Variants in DAPK1 observed in about 807,000 individuals in gnomAD.
DAPK1 encodes the protein death-associated protein kinase 1.
DAPK1 carries 56 observed loss-of-function variants against 144.9 expected under a neutral mutation model. The ratio of observed to expected loss-of-function variants is 0.39; its 90% CI spans 0.31 to 0.48. The LOEUF is 0.48. DAPK1 is among the 20% of genes least tolerant of loss of function. The probability of loss-of-function intolerance (pLI) is 0.95; values close to 1 mark genes in which losing one functional copy is unlikely to be tolerated. For synonymous variants in DAPK1, 690 were observed against 749.0 expected (o/e 0.92, Z 1.29); for missense variants, 1,454 against 1,875.4 (o/e 0.78, Z 4.15).
intron 2 of DAPK1, among the ~76,000 whole-genome samples, chr9:87,563,142 T>G (rs1395519318): frequency 6.6e-6 from 1 of 152,214 alleles, no homozygotes; most frequent in Non-Finnish European, 1.5e-5. Flanking sequence ...CAAAAGAGAC[T>G]TTTTGTTCTT....
intron 21 of DAPK1, among the ~76,000 whole-genome samples, chr9:87,688,420 T>C (rs1009653102): frequency 6.6e-6 from 1 of 152,208 alleles, no homozygotes; most frequent in Non-Finnish European, 1.5e-5. Flanking sequence ...ATGTGTCTTT[T>C]TGGTGGAACA....
chr9:87,550,627 G>A (rs1466207266), intron 2 of DAPK1, among the ~76,000 whole-genome samples: 5 of 152,310 alleles, frequency 3.3e-5, no homozygotes, highest in African/African-American at 1.2e-4. Flanking sequence ...CTTAACTAAT[G>A]ACATCTACAA....
chr9:87,599,816 A>C (rs1266928354), intron 2 of DAPK1, among the ~76,000 whole-genome samples: 1 of 152,240 alleles, frequency 6.6e-6, no homozygotes, highest in Non-Finnish European at 1.5e-5. Context: ...GGAGAAATCC[A>C]GGGTTACCTT....
chr9:87,545,147 T>C (rs1022883600), intron 2 of DAPK1, among the ~76,000 whole-genome samples: 1 of 152,208 alleles, frequency 6.6e-6, no homozygotes, highest in Non-Finnish European at 1.5e-5. Flanking sequence ...GCAGAGGCTG[T>C]CAGACCAGCT....
intron 3 of DAPK1, among the ~76,000 whole-genome samples, chr9:87,613,519 G>C (rs1483338429): frequency 6.6e-6 from 1 of 152,228 alleles, no homozygotes; most frequent in Non-Finnish European, 1.5e-5. Context: ...ACCAAACTGA[G>C]ATGCAAAATA....
At chr9:87,600,795 G>C (rs1828488265) in intron 2 of DAPK1, among the ~76,000 whole-genome samples, 2 of 151,814 alleles carry the variant, frequency 1.3e-5, no homozygotes, top group South Asian at 4.1e-4. Flanking sequence ...GCAGCCATCC[G>C]TATCGTTGTT....
At chr9:87,533,426 A>G (rs954727799) in intron 2 of DAPK1, among the ~76,000 whole-genome samples, 2 of 152,186 alleles carry the variant, frequency 1.3e-5, no homozygotes, top group Non-Finnish European at 2.9e-5. Context: ...AGGCAGCATC[A>G]GCCAGGTGCA....
intron 2 of DAPK1, among the ~76,000 whole-genome samples, chr9:87,590,369 C>CAAAAAAAAAAAAAAAAA (rs200588801): frequency 3.5e-5 from 3 of 85,738 alleles, no homozygotes; most frequent in African/African-American, 1.2e-4. Flanking sequence ...TCATTGGCCT[C>CAAAAAAAAAAAAAAAAA]AAAAAAAAAA....
At chr9:87,551,001 G>A (rs1030817357) in intron 2 of DAPK1, among the ~76,000 whole-genome samples, 5 of 152,222 alleles carry the variant, frequency 3.3e-5, no homozygotes, top group Non-Finnish European at 7.3e-5. Flanking sequence ...TCCTCTGAAG[G>A]CAGAAGGCCA....
chr9:87,536,650 T>C (rs1319390711), intron 2 of DAPK1, among the ~76,000 whole-genome samples: 1 of 152,210 alleles, frequency 6.6e-6, no homozygotes, highest in African/African-American at 2.4e-5. Flanking sequence ...GGGAGCTGAT[T>C]TACCCCACCA....
intron 18 of DAPK1, among the ~76,000 whole-genome samples, chr9:87,661,995 C>A (rs1248288121): frequency 6.6e-6 from 1 of 152,142 alleles, no homozygotes; most frequent in African/African-American, 2.4e-5. Flanking sequence ...GAGTTGACTT[C>A]TGCAAATGGT....
At chr9:87,534,247 TTTTTTTTTTTG>T (rs926311744) in intron 2 of DAPK1, among the ~76,000 whole-genome samples, 9 of 67,216 alleles carry the variant, frequency 1.3e-4, no homozygotes, top group African/African-American at 6.5e-4. Flanking sequence ...ATTTTGACAG[TTTTTTTTTTTG>T]TTTTTTTTTT....
chr9:87,657,324 C>A (rs1448651318), intron 17 of DAPK1: 1 of 152,784 alleles, frequency 6.5e-6, no homozygotes, highest in Non-Finnish European at 1.5e-5. Flanking sequence ...CACTGCACTT[C>A]TGAAACCTTG....
rs1000843158 is a variant in DAPK1 at position 87,686,325 on chromosome 9, C to T, written c.2225-226C>T. On this transcript the variant is annotated intron_variant, in intron 20 of 25. Coordinates refer to ENST00000408954, the MANE Select transcript of DAPK1 (RefSeq NM_004938.4). This position sits in a 1 kb window ranked among gnomAD's most constrained non-coding sequence, Gnocchi z 4.2. ...AGGACCAGCCACCCGGGCAACAGGG[C>T]GGGGCAGAAAAGGTTGTGGGGAGGT... Among the ~76,000 whole-genome samples the T allele has an allele frequency of 5.9e-5, 9 of 152,086 alleles. No homozygotes were observed. Among genetic ancestry groups the T allele is most frequent in the South Asian group, 2.1e-4 (1 of 4,814 alleles).
intron 19 of DAPK1, among the ~76,000 whole-genome samples, chr9:87,680,776 C>T (rs1395102213): frequency 1.3e-5 from 2 of 152,048 alleles, no homozygotes. Context: ...TTGCCAGGGG[C>T]TGAGCAAAGA....
intron 18 of DAPK1, among the ~76,000 whole-genome samples, chr9:87,664,250 C>T (rs1314430636): frequency 6.6e-6 from 1 of 152,122 alleles, no homozygotes; most frequent in Non-Finnish European, 1.5e-5. Flanking sequence ...CCCCTGCCGG[C>T]TCCCCCATCA....
In DAPK1 at chr9:87,604,894, C is replaced by T. The variant is rs1828656688; in HGVS notation, c.63-60C>T. ...TGTCCCCCTCTGCACCATGCCACAT[C>T]CTCACTCAAATCCTGTTTTTTTTAT... On this transcript the variant is annotated intron_variant, in intron 2 of 25. Transcript: ENST00000408954. 4.0e-6 allele frequency: 6 copies of T among 1,513,942 alleles called. No individual in the cohort carries two copies. The Admixed American group carries it at 1.1e-4, about 27-fold the overall frequency. The allele number at this position is 1,513,942 out of a possible 1,614,324, so 93.8% of individuals were successfully genotyped here. A position where few individuals can be genotyped will look rare whatever the true frequency, so the allele number is the denominator to read the frequency against.
chr9:87,602,233 A>T (rs1587757344), intron 2 of DAPK1, among the ~76,000 whole-genome samples: 1 of 151,986 alleles, frequency 6.6e-6, no homozygotes, highest in Non-Finnish European at 1.5e-5. Flanking sequence ...CCCTCATTTT[A>T]CTCTCTGCAG....
chr9:87,696,540 A>T (rs980677787), intron 21 of DAPK1, among the ~76,000 whole-genome samples: 3 of 152,230 alleles, frequency 2.0e-5, no homozygotes, highest in African/African-American at 7.2e-5. Flanking sequence ...TGGCACCAGC[A>T]TCTGCTTTGA....
Sources: allele counts gnomAD v4.1 joint callset (sites outside exome capture counted in the v4.1 genomes callset), GRCh38; gene constraint gnomAD v4.1.1; non-coding constraint Gnocchi (gnomAD v3.1); transcripts MANE v1.5; gene names NCBI Gene and HGNC (gene_info 2026-07-23, HGNC 2026-07-21).